P2RX7: variants seen among roughly 807,000 people sequenced by gnomAD.
P2RX7 encodes P2X purinoceptor 7.
P2RX7 carries 62 observed loss-of-function variants against 71.6 expected under a neutral mutation model. The ratio of observed to expected loss-of-function variants is 0.87; its 90% CI spans 0.71 to 1.07. P2RX7 has a LOEUF of 1.07. Ranked by LOEUF, P2RX7 falls within the 50% of genes least tolerant of loss-of-function variation. P2RX7 has a pLI of 0.00. For missense variants in P2RX7, 686 were observed against 748.5 expected (o/e 0.92, Z 0.97); for synonymous variants, 299 against 283.3 (o/e 1.06, Z -0.56).
intron 1 of P2RX7, among the ~76,000 whole-genome samples, chr12:121,147,732 C>T (rs1356539362): frequency 1.3e-5 from 2 of 152,084 alleles, no homozygotes; most frequent in Non-Finnish European, 2.9e-5. Context: ...CTGCCTCAGC[C>T]TCCCAAGTAG....
Position 121,162,476 on chromosome 12 carries a change from A to T in P2RX7, c.489A>T (p.Glu163Asp). 1 of 1,613,956 alleles carries T rather than the reference A, an allele frequency of 6.2e-7. No homozygotes were observed. Residue 163 changes from glutamate to aspartate, a missense_variant, in exon 5 of 13, where the codon GAA becomes GAT. Coordinates refer to ENST00000328963, the MANE Select transcript of P2RX7 (RefSeq NM_002562.6). The stretch of plus-strand genomic sequence containing the variant: ...ATGAAGGGAACCAGAAGACCTGTGA[A>T]GTCTCTGCCTGGTGCCCCATCGAGG... ...VVYEGNQKTC[E>D]VSAWCPIEAV... is the part of the protein sequence containing the mutation.
At chr12:121,159,760 T>A (rs372857629) in intron 3 of P2RX7, among the ~76,000 whole-genome samples, 42 of 152,292 alleles carry the variant, frequency 2.8e-4, no homozygotes, top group African/African-American at 8.2e-4. Flanking sequence ...CCAGCTGGTC[T>A]CATTTTCTTG....
chr12:121,146,190 C>T (rs17434731), intron 1 of P2RX7, among the ~76,000 whole-genome samples: 10,550 of 152,022 alleles, frequency 0.069, 599 homozygotes, highest in Non-Finnish European at 0.096. Flanking sequence ...AAACTCACAG[C>T]CCCCATCCTA....
Position 121,184,274 on chromosome 12 carries a change from G to C in P2RX7, c.1291-31G>C, listed in dbSNP as rs749238014. 2.6e-6 allele frequency: 4 copies of C among 1,549,006 alleles called. No individual in the cohort carries two copies. The South Asian group carries it at 4.9e-5, about 19-fold the overall frequency. ...AACCTAGAACCTGAGGGCTTGTCAT[G>C]GCTAATAGGTTTGGAAACTTGCTTT... is the stretch of plus-strand genomic sequence containing the variant. On this transcript the variant is annotated intron_variant, in intron 12 of 12. Coordinates refer to ENST00000328963, the MANE Select transcript of P2RX7 (RefSeq NM_002562.6).
chr12:121,143,802 A>G (rs913141921), intron 1 of P2RX7, among the ~76,000 whole-genome samples: 1 of 151,760 alleles, frequency 6.6e-6, no homozygotes, highest in African/African-American at 2.4e-5. Context: ...CAGTGAGCCG[A>G]GGTCATGGCA....
At chr12:121,155,960 G>A in intron 2 of P2RX7, 119 bp from the exon 3 acceptor site, 1 of 897,638 alleles carries the variant, frequency 1.1e-6, no homozygotes, top group Non-Finnish European at 1.8e-6. Flanking sequence ...GTTGCCCACA[G>A]ATCCTGATTT....
intron 1 of P2RX7, among the ~76,000 whole-genome samples, chr12:121,133,941 C>G (rs540919524): frequency 6.6e-6 from 1 of 151,910 alleles, no homozygotes; most frequent in African/African-American, 2.4e-5. Context: ...CCAGGCTGGT[C>G]TCAAACTCCT....
intron 12 of P2RX7, among the ~76,000 whole-genome samples, chr12:121,182,247 A>G (rs1200254979): frequency 2.0e-5 from 3 of 152,182 alleles, no homozygotes; most frequent in Non-Finnish European, 4.4e-5. Context: ...CCATTCACTA[A>G]TATTTAGGAT....
chr12:121,146,271 T>C (rs947422774), intron 1 of P2RX7, among the ~76,000 whole-genome samples: 1 of 150,450 alleles, frequency 6.6e-6, no homozygotes, highest in African/African-American at 2.4e-5. Context: ...ACCATCCTCT[T>C]ATTTGTCAAG....
chr12:121,147,058 T>A (rs1316278361), intron 1 of P2RX7, among the ~76,000 whole-genome samples: 1 of 152,080 alleles, frequency 6.6e-6, no homozygotes, highest in Non-Finnish European at 1.5e-5. Flanking sequence ...TCAGTCAAGT[T>A]GCAAGGAACA....
In P2RX7 at chr12:121,172,630, C is replaced by CA. The variant is rs1470268447; in HGVS notation, c.882-2750dup. On this transcript the variant is annotated intron_variant, in intron 8 of 12. Transcript: ENST00000328963. ...TGGATGACAGAGCCAGATCCTGTCT[C>CA]AAAAAAAACAAAAACAAACAACAAC... Among the ~76,000 whole-genome samples, 57 of 151,086 alleles carry CA rather than the reference C, an allele frequency of 3.8e-4. 1 individual carries two copies. The highest frequency in any genetic ancestry group is 4.2e-4 in the South Asian group (2 of 4,770).
intron 1 of P2RX7, among the ~76,000 whole-genome samples, chr12:121,137,973 T>G (rs1874054374): frequency 6.6e-6 from 1 of 152,200 alleles, no homozygotes; most frequent in Non-Finnish European, 1.5e-5. Flanking sequence ...TTCAGCTTCT[T>G]CTATTCTCAC....
intron 1 of P2RX7, among the ~76,000 whole-genome samples, chr12:121,143,700 A>C (rs1473303889): frequency 6.6e-6 from 1 of 151,904 alleles, no homozygotes; most frequent in Non-Finnish European, 1.5e-5. Flanking sequence ...AAATACAAAA[A>C]TTAGCTGGGC....
Position 121,185,021 on chromosome 12 carries a change from G to A in P2RX7, c.*219G>A, listed in dbSNP as rs1436877047. The A allele has an allele frequency of 4.1e-6, 2 of 492,760 alleles. No individual in the cohort carries two copies. The highest frequency in any genetic ancestry group is 3.6e-5 in the East Asian group (1 of 27,712). The allele number at this position is 492,760 out of a possible 1,614,324, so 30.5% of individuals were successfully genotyped here. A position where few individuals can be genotyped will look rare whatever the true frequency, so the allele number is the denominator to read the frequency against. On this transcript the variant is annotated 3_prime_UTR_variant, in exon 13 of 13. Coordinates refer to ENST00000328963, the MANE Select transcript of P2RX7 (RefSeq NM_002562.6). ...AATCACTTGAACCCGGGAGGCAGAG[G>A]TTGTAGTGAGCCCAGATTGTGCCAC...
In P2RX7 at chr12:121,154,302, AAGAG is replaced by A. The variant is rs562699805; in HGVS notation, c.126-470_126-467del. On this transcript the variant is annotated intron_variant, in intron 1 of 12. Coordinates refer to ENST00000328963, the MANE Select transcript of P2RX7 (RefSeq NM_002562.6). The surrounding 1 kb of genome is among the most constrained non-coding windows in gnomAD (Gnocchi z 4.2). ...CAAAACTCTGTTTCAAAAAAAAAAA[AAGAG>A]AGAGAGAGAGAGTAGCTGCCATTTT... 5.3e-5 allele frequency among the ~76,000 whole-genome samples: 8 copies of A among 151,336 alleles called. No individual in the cohort carries two copies. Among genetic ancestry groups the A allele is most frequent in the African/African-American group, 1.7e-4 (7 of 41,198 alleles).
chr12:121,148,504 C>T (rs1028748912), intron 1 of P2RX7, among the ~76,000 whole-genome samples: 3 of 152,122 alleles, frequency 2.0e-5, no homozygotes, highest in South Asian at 2.1e-4. Flanking sequence ...CGTGAGTCAC[C>T]GCACCCAGCT....
At chr12:121,150,833 T>C (rs1172828717) in intron 1 of P2RX7, among the ~76,000 whole-genome samples, 1 of 151,950 alleles carries the variant, frequency 6.6e-6, no homozygotes, top group Non-Finnish European at 1.5e-5. Flanking sequence ...CACTTGAACC[T>C]GGGAGGCGGA....
intron 7 of P2RX7, among the ~76,000 whole-genome samples, chr12:121,166,945 G>A (rs11065466): frequency 0.28 from 41,588 of 150,932 alleles, 5,951 homozygotes; most frequent in East Asian, 0.43. Flanking sequence ...CCAGCTACTC[G>A]GGAGGCTGAG....
At chr12:121,142,168 C>T (rs1875035255) in intron 1 of P2RX7, among the ~76,000 whole-genome samples, 1 of 152,210 alleles carries the variant, frequency 6.6e-6, no homozygotes, top group African/African-American at 2.4e-5. Flanking sequence ...ATTTGTTACA[C>T]AGCAGTGGAA....
Sources: gnomAD v4.1 joint callset for allele counts (sites outside exome capture counted in the v4.1 genomes callset) on GRCh38, gnomAD v4.1.1 for gene constraint, Gnocchi (gnomAD v3.1) non-coding constraint, MANE v1.5 for transcripts, NCBI Gene and HGNC (gene_info 2026-07-23, HGNC 2026-07-21) for gene names.